The following MPPED2 variants were observed in gnomAD, a reference collection of about 807,000 sequenced individuals.
MPPED2 encodes the protein metallophosphoesterase MPPED2.
Under a neutral mutation model 33.0 loss-of-function variants are expected in MPPED2, and 5 were observed. The observed-to-expected ratio is 0.15, with a 90% confidence interval of 0.08 to 0.32. The LOEUF is 0.32. MPPED2 is among the 10% of genes least tolerant of loss of function. The probability of loss-of-function intolerance (pLI) is 1.00; values close to 1 mark genes in which losing one functional copy is unlikely to be tolerated. For synonymous variants in MPPED2, 136 were observed against 141.9 expected (o/e 0.96, Z 0.29); for missense variants, 275 against 372.1 (o/e 0.74, Z 2.15).
chr11:30,463,854 A>C (rs1450702979), intron 4 of MPPED2, among the ~76,000 whole-genome samples: 1 of 151,674 alleles, frequency 6.6e-6, no homozygotes, highest in Non-Finnish European at 1.5e-5. Flanking sequence ...GTTATTTTAT[A>C]TATATATATA....
chr11:30,512,686 T>A (rs1426353305), intron 3 of MPPED2, among the ~76,000 whole-genome samples: 1 of 152,114 alleles, frequency 6.6e-6, no homozygotes, highest in East Asian at 1.9e-4. Context: ...CGTTTGATCT[T>A]CCAAATTATG....
chr11:30,487,325 A>G (rs183530549), intron 4 of MPPED2, among the ~76,000 whole-genome samples: 30 of 152,324 alleles, frequency 2.0e-4, no homozygotes, highest in Non-Finnish European at 3.1e-4. Context: ...CTCTTGGTGC[A>G]TATGCCCAGG....
At chr11:30,391,418 G>A (rs1947774440) in intron 6 of MPPED2, among the ~76,000 whole-genome samples, 1 of 152,158 alleles carries the variant, frequency 6.6e-6, no homozygotes, top group Admixed American at 6.5e-5. Flanking sequence ...ATCAGTTGGT[G>A]GGGCAGGCAG....
At chr11:30,555,919 A>G (rs2134669303) in intron 2 of MPPED2, among the ~76,000 whole-genome samples, 1 of 152,264 alleles carries the variant, frequency 6.6e-6, no homozygotes, top group Non-Finnish European at 1.5e-5. Flanking sequence ...CCATACTGAC[A>G]TGTTCTTTTA....
intron 2 of MPPED2, among the ~76,000 whole-genome samples, chr11:30,556,213 T>A (rs1167599183): frequency 6.6e-6 from 1 of 152,198 alleles, no homozygotes; most frequent in Non-Finnish European, 1.5e-5. Flanking sequence ...GTAAGGATCC[T>A]TGGAGACCAT....
chr11:30,501,637 C>A (rs1952567578), intron 3 of MPPED2: 3 of 979,716 alleles, frequency 3.1e-6, no homozygotes, highest in South Asian at 4.7e-5. Flanking sequence ...CAGACTGTTT[C>A]TCTCAAGAGT....
At chr11:30,446,734 A>T (rs1465792706) in intron 4 of MPPED2, among the ~76,000 whole-genome samples, 1 of 152,078 alleles carries the variant, frequency 6.6e-6, no homozygotes, top group Non-Finnish European at 1.5e-5. Flanking sequence ...GCAGCCAACG[A>T]GCACCCCTCG....
chr11:30,408,883 T>C (rs1948030709), downstream of MPPED2, among the ~76,000 whole-genome samples: 1 of 152,198 alleles, frequency 6.6e-6, no homozygotes, highest in Non-Finnish European at 1.5e-5. Flanking sequence ...AGAGCTGTTT[T>C]GAATATTTTG....
intron 4 of MPPED2, among the ~76,000 whole-genome samples, chr11:30,475,643 T>C (rs1004378694): frequency 2.6e-5 from 4 of 152,188 alleles, no homozygotes; most frequent in Non-Finnish European, 5.9e-5. Flanking sequence ...ATTCCTTTTA[T>C]TTGCTGAGTA....
At chr11:30,538,707 C>T (rs148573180) in intron 2 of MPPED2, among the ~76,000 whole-genome samples, 1 of 151,578 alleles carries the variant, frequency 6.6e-6, no homozygotes, top group African/African-American at 2.4e-5. Flanking sequence ...AAGTAGACAG[C>T]AAGACAAGCA....
chr11:30,414,415 C>T, intron 5 of MPPED2, 74 bp from the exon 6 acceptor site: 1 of 930,478 alleles, frequency 1.1e-6, no homozygotes, highest in Non-Finnish European at 1.8e-6. Flanking sequence ...TTCAGGAAGC[C>T]ATAACTCACA....
At position 30,417,696 on chromosome 11, in the gene MPPED2, T is replaced by G. The variant is rs978243101; in HGVS notation, c.537-63A>C. 33 of 938,638 alleles carry G rather than the reference T, an allele frequency of 3.5e-5. No individual in the cohort carries two copies. In the African/African-American group the frequency reaches 5.0e-4, roughly 14 times the overall value. 58.1% of individuals were successfully genotyped at this position (938,638 alleles called of 1,614,324 possible). On this transcript the variant is annotated intron_variant, in intron 4 of 6. Coordinates refer to ENST00000358117, the MANE Select transcript of MPPED2 (RefSeq NM_001584.3). ...GAGCCACGGCTCCGCTCTGCAATAT[T>G]TCTCTCTCGCACATTCCCCCACGGT...
At chr11:30,561,057 AT>A (rs937458533) in intron 2 of MPPED2, among the ~76,000 whole-genome samples, 2 of 152,156 alleles carry the variant, frequency 1.3e-5, no homozygotes, top group Non-Finnish European at 2.9e-5. Context: ...CCAATGTTTT[AT>A]TTGTTTTTTA....
In MPPED2 at chr11:30,410,420, A is replaced by G; in HGVS notation, c.*1048T>C. The stretch of plus-strand genomic sequence containing the variant: ...TTTTGTGCTAGCGAAGATTGCATCG[A>G]CACACAGTGCAAAATGGGAGAGGGG... On this transcript the variant is annotated 3_prime_UTR_variant, in exon 7 of 7. Transcript: ENST00000358117. The G allele has an allele frequency of 1.0e-6, 1 of 985,128 alleles. No individual in the cohort carries two copies. Among genetic ancestry groups the G allele is most frequent in the Non-Finnish European group, 1.2e-6 (1 of 829,602 alleles). 61.0% of individuals were successfully genotyped at this position (985,128 alleles called of 1,614,324 possible).
At chr11:30,403,146 A>G (rs1947934284) in intron 6 of MPPED2, among the ~76,000 whole-genome samples, 1 of 151,660 alleles carries the variant, frequency 6.6e-6, no homozygotes, top group Admixed American at 6.6e-5. Context: ...ACTCGCGAGG[A>G]TGAGGCAGGA....
chr11:30,516,855 T>G (rs1395180270), intron 3 of MPPED2, among the ~76,000 whole-genome samples: 1 of 152,290 alleles, frequency 6.6e-6, no homozygotes, highest in East Asian at 1.9e-4. Flanking sequence ...AAGGAGGCAT[T>G]CAATTGAGCA....
chr11:30,554,661 A>T (rs1396891218), intron 2 of MPPED2, among the ~76,000 whole-genome samples: 1 of 151,770 alleles, frequency 6.6e-6, no homozygotes, highest in Non-Finnish European at 1.5e-5. Context: ...CGCCCAGCTA[A>T]TTTTTGCATT....
At chr11:30,526,735 C>T (rs1465750602) in intron 3 of MPPED2, among the ~76,000 whole-genome samples, 1 of 150,756 alleles carries the variant, frequency 6.6e-6, no homozygotes, top group Non-Finnish European at 1.5e-5. Context: ...ACCTTTACCT[C>T]TTTATTAGAT....
At chr11:30,402,823 A>T (rs1188557348) in intron 6 of MPPED2, among the ~76,000 whole-genome samples, 1 of 152,226 alleles carries the variant, frequency 6.6e-6, no homozygotes, top group Non-Finnish European at 1.5e-5. Context: ...GAGAAGTACA[A>T]TGCCAACTTA....
Sources: gnomAD v4.1 joint callset for allele counts (sites outside exome capture counted in the v4.1 genomes callset) on GRCh38, gnomAD v4.1.1 for gene constraint, MANE v1.5 for transcripts, NCBI Gene and HGNC (gene_info 2026-07-23, HGNC 2026-07-21) for gene names.